MDGA1: variants seen among roughly 807,000 people sequenced by gnomAD.
The protein encoded by MDGA1 is MAM domain-containing glycosylphosphatidylinositol anchor protein 1.
Under a neutral mutation model 101.5 loss-of-function variants are expected in MDGA1, and 54 were observed. The observed-to-expected ratio is 0.53, with a 90% CI of 0.43 to 0.67. The LOEUF is 0.67. Ranked by LOEUF, MDGA1 falls within the 30% of genes least tolerant of loss-of-function variation. MDGA1 has a pLI of 0.00. For missense variants in MDGA1, 1,083 were observed against 1,323.8 expected, an observed-to-expected ratio of 0.82 and a Z score of 2.82; for synonymous variants, 533 against 558.3, an observed-to-expected ratio of 0.95 and a Z score of 0.64.
At chr6:37,668,319 G>A (rs917172140) in intron 1 of MDGA1, among the ~76,000 whole-genome samples, 1 of 151,132 alleles carries the variant, frequency 6.6e-6, no homozygotes, top group African/African-American at 2.4e-5. Context: ...ACTCTAAAAT[G>A]CTAGAATCAC....
At chr6:37,674,027 C>T (rs560679153) in intron 1 of MDGA1, among the ~76,000 whole-genome samples, 144 of 152,288 alleles carry the variant, frequency 9.5e-4, no homozygotes, top group African/African-American at 3.3e-3. Flanking sequence ...TTTCTGAGCA[C>T]CTATTATGTG....
At chr6:37,661,125 G>C (rs1761614256) in intron 2 of MDGA1, among the ~76,000 whole-genome samples, 2 of 152,202 alleles carry the variant, frequency 1.3e-5, no homozygotes, top group Non-Finnish European at 2.9e-5. Flanking sequence ...CATAGATGAT[G>C]CCACTCTTGT....
rs913994576 is a variant in MDGA1 at position 37,634,074 on chromosome 6, G to C, written c.*3294C>G. 1.3e-5 allele frequency: 2 copies of C among 152,992 alleles called. No homozygotes were observed. Among genetic ancestry groups the C allele is most frequent in the Non-Finnish European group, 2.9e-5 (2 of 68,378 alleles). The allele number at this position is 152,992 out of a possible 1,614,324, so 9.5% of individuals were successfully genotyped here. ...GTGGAAGGAGCATTCCAGGAGGAGG[G>C]GGCTTGGTCTTCAGGCTTCACTCAG... On this transcript the variant is annotated 3_prime_UTR_variant, in exon 17 of 17. Transcript: ENST00000434837. This position sits in a 1 kb window ranked among gnomAD's most constrained non-coding sequence, Gnocchi z 4.7.
At chr6:37,662,505 A>G (rs1761648328) in intron 2 of MDGA1, among the ~76,000 whole-genome samples, 1 of 151,818 alleles carries the variant, frequency 6.6e-6, no homozygotes, top group Admixed American at 6.6e-5. Context: ...GCATGGTGAC[A>G]CACACCTGTG....
rs1764181836 is a variant in MDGA1, at chr6:37,644,619, ATCT to A, written c.2276_2278del (p.Lys759del). 2 of 1,598,734 alleles carry A rather than the reference ATCT, an allele frequency of 1.3e-6. No individual in the cohort carries two copies. On this transcript the variant is annotated inframe_deletion, in exon 13 of 17. Transcript: ENST00000434837. ...TGTCAGGTCCTGGGTATAGCCACAG[ATCT>A]TCTCATCCTCAAAGTGGCAGGTGTT... is the stretch of plus-strand genomic sequence containing the variant.
chr6:37,654,643 CA>C (rs1391440140), intron 5 of MDGA1, 100 bp from the exon 6 acceptor site: 1 of 1,573,450 alleles, frequency 6.4e-7, no homozygotes, highest in African/African-American at 1.4e-5. Context: ...GAGAAGCCCT[CA>C]GGGGAGATGA....
intron 10 of MDGA1, among the ~76,000 whole-genome samples, chr6:37,646,604 C>A (rs543164734): frequency 1.3e-5 from 2 of 152,292 alleles, no homozygotes; most frequent in South Asian, 4.1e-4. Context: ...AGGCAAAAAT[C>A]ATAATTACCC....
intron 2 of MDGA1, among the ~76,000 whole-genome samples, chr6:37,660,038 T>C (rs542427393): frequency 1.7e-3 from 259 of 148,846 alleles, no homozygotes; most frequent in African/African-American, 5.0e-3. Context: ...ATCTCTCTCT[T>C]TTTTTTTTTT....
chr6:37,683,663 C>T (rs1423698980), intron 1 of MDGA1, among the ~76,000 whole-genome samples: 2 of 152,240 alleles, frequency 1.3e-5, no homozygotes, highest in African/African-American at 2.4e-5. Flanking sequence ...CCCTAGTTCC[C>T]TCACCCCATG....
Position 37,646,134 on chromosome 6 carries a change from T to C in MDGA1, c.2224+64A>G, listed in dbSNP as rs1761187925. 3.2e-6 allele frequency: 5 copies of C among 1,552,204 alleles called. No individual in the cohort carries two copies. In the Admixed American group the frequency reaches 9.3e-5, roughly 29 times the overall value. On this transcript the variant is annotated intron_variant, in intron 11 of 16. Coordinates refer to ENST00000434837, the MANE Select transcript of MDGA1 (RefSeq NM_153487.4). ...CCCAAGCTTAGGAACCACATGAGGA[T>C]GGTGAAAGGGGTCCCTGGCCATGAG... is the stretch of plus-strand genomic sequence containing the variant.
chr6:37,692,261 C>T (rs1050695525), intron 1 of MDGA1, among the ~76,000 whole-genome samples: 1 of 152,162 alleles, frequency 6.6e-6, no homozygotes, highest in Non-Finnish European at 1.5e-5. Context: ...CACACACACC[C>T]GATACCTGGG....
rs748941128 is a variant in MDGA1, at chr6:37,654,393, G to C, written c.863C>G (p.Ala288Gly). ...AGGGATGCTGAGGGTGCCACCCTGG[G>C]CCAGAGCACCCAGGGGCAGTGGGCC... The part of the protein sequence containing the change: ...GPGPLPLGAL[A>G]QGGTLSIPSV... Residue 288 changes from alanine to glycine, a missense_variant, in exon 6 of 17, where the codon GCC becomes GGC. This residue lies in a region of MDGA1 where 116 missense variants were observed against 196.6 expected (regional missense o/e 0.59). Coordinates refer to ENST00000434837, the MANE Select transcript of MDGA1 (RefSeq NM_153487.4). 10 of 1,613,702 alleles carry C rather than the reference G, an allele frequency of 6.2e-6. No homozygotes were observed. In the South Asian group the frequency reaches 1.1e-4, roughly 18 times the overall value.
chr6:37,683,803 A>T (rs1762143805), intron 1 of MDGA1, among the ~76,000 whole-genome samples: 1 of 152,118 alleles, frequency 6.6e-6, no homozygotes, highest in Non-Finnish European at 1.5e-5. Flanking sequence ...CCATTCCTCT[A>T]CCAGAGTTTC....
In MDGA1 at chr6:37,690,034, A is replaced by T. The variant is rs541660539; in HGVS notation, c.67+6711T>A. ...ATCCTTTCATAGCCTTCAAGGCTCC[A>T]AATGATTGGACCTACTAACTCTCTG... is the stretch of plus-strand genomic sequence containing the variant. On this transcript the variant is annotated intron_variant, in intron 1 of 16. Transcript: ENST00000434837. Among the ~76,000 whole-genome samples, 5 of 152,342 alleles carry T rather than the reference A, an allele frequency of 3.3e-5. No homozygotes were observed. In the East Asian group the frequency reaches 5.8e-4, roughly 18 times the overall value.
rs1561842100 is a variant in MDGA1, at chr6:37,646,237, C to A, written c.2185G>T (p.Ala729Ser). Residue 729 changes from alanine to serine, a missense_variant, in exon 11 of 17, where the codon GCT (alanine) becomes TCT (serine). Physicochemically the swap from Ala to Ser is moderately conservative, Grantham distance 99. Coordinates refer to ENST00000434837, the MANE Select transcript of MDGA1 (RefSeq NM_153487.4). ...VRLTPYTTFG[A>S]GDMASRIIHY... ...ATGATGCGGGAGGCCATGTCACCAG[C>A]CCCGAAGGTGGTATAGGGTGTGAGG... The A allele has an allele frequency of 6.3e-7, 1 of 1,595,608 alleles. No individual in the cohort carries two copies. Among genetic ancestry groups the A allele is most frequent in the Non-Finnish European group, 8.6e-7 (1 of 1,168,704 alleles).
At chr6:37,683,998 T>C (rs968927901) in intron 1 of MDGA1, among the ~76,000 whole-genome samples, 2 of 152,130 alleles carry the variant, frequency 1.3e-5, no homozygotes, top group East Asian at 3.9e-4. Context: ...TACACACATA[T>C]CAAATACCCC....
At chr6:37,665,599 C>T (rs534141527) in intron 1 of MDGA1, among the ~76,000 whole-genome samples, 14 of 152,316 alleles carry the variant, frequency 9.2e-5, no homozygotes, top group Admixed American at 5.2e-4. Context: ...TGCCAGACAC[C>T]GACTAACTGG....
chr6:37,663,977 G>A lies in MDGA1; in HGVS notation c.197C>T (p.Pro66Leu). ...LMLQCLVTGH[P>L]RPQVRWTKTA... ...GGGCTGGGGGCTTACCTGGGGTCGA[G>A]GGTGCCCTGTTACAAGGCACTGCAG... The change falls in exon 2 of 17, where the codon CCT becomes CTT. Residue 66 changes from proline (P) to leucine (L), a missense_variant. By Grantham distance (98) the Pro-to-Leu change is moderately conservative (BLOSUM62 -3). Coordinates refer to ENST00000434837, the MANE Select transcript of MDGA1 (RefSeq NM_153487.4). The A allele has an allele frequency of 6.2e-7, 1 of 1,613,818 alleles. No individual in the cohort carries two copies. The highest frequency in any genetic ancestry group is 8.5e-7 in the Non-Finnish European group (1 of 1,179,764).
chr6:37,638,828 G>A lies in MDGA1; in HGVS notation c.2537-161C>T, dbSNP rs1763997179. ...CTGGGTGCAATGTCCCATTCCTGCA[G>A]GGACACCCTCAGTGTGGGAAAGAGA... On this transcript the variant is annotated intron_variant, in intron 14 of 16. Transcript: ENST00000434837. This position sits in a 1 kb window ranked among gnomAD's most constrained non-coding sequence, Gnocchi z 4.8. 1.1e-6 allele frequency: 1 copy of A among 876,914 alleles called. No homozygotes were observed. Among genetic ancestry groups the A allele is most frequent in the Non-Finnish European group, 1.7e-6 (1 of 582,950 alleles). The allele number at this position is 876,914 out of a possible 1,614,324, so 54.3% of individuals were successfully genotyped here. A position where few individuals can be genotyped will look rare whatever the true frequency, so the allele number is the denominator to read the frequency against.
Sources: gnomAD v4.1 joint callset for allele counts (sites outside exome capture counted in the v4.1 genomes callset) on GRCh38, gnomAD v4.1.1 for gene constraint, gnomAD v4.1.1 regional missense constraint, Gnocchi (gnomAD v3.1) non-coding constraint, MANE v1.5 for transcripts, NCBI Gene and HGNC (gene_info 2026-07-23, HGNC 2026-07-21) for gene names.